The following DLC1 variants were observed in gnomAD, a reference collection of about 807,000 sequenced individuals.
DLC1 encodes the protein rho GTPase-activating protein 7.
Under a neutral mutation model 140.3 loss-of-function variants are expected in DLC1, and 54 were observed. The ratio of observed to expected loss-of-function variants is 0.38; its 90% CI spans 0.31 to 0.48. DLC1 has a LOEUF of 0.48. Ranked by LOEUF, DLC1 falls within the 20% of genes least tolerant of loss-of-function variation. The probability of loss-of-function intolerance (pLI) is 0.96; values close to 1 mark genes in which losing one functional copy is unlikely to be tolerated. For synonymous variants in DLC1, 986 were observed against 728.1 expected (o/e 1.35, Z -5.70); for missense variants, 2,536 against 1,907.0 (o/e 1.33, Z -6.14).
intron 1 of DLC1, among the ~76,000 whole-genome samples, chr8:13,590,587 A>C (rs969968574): frequency 9.9e-5 from 15 of 152,024 alleles, no homozygotes; most frequent in Non-Finnish European, 1.5e-5. Flanking sequence ...TCAGCTCCAG[A>C]ATTTTACTTT....
At chr8:13,522,307 G>C (rs887707965) in intron 1 of DLC1, among the ~76,000 whole-genome samples, 2 of 152,074 alleles carry the variant, frequency 1.3e-5, no homozygotes, top group Non-Finnish European at 2.9e-5. Context: ...TAGCTTAAAT[G>C]GGGGGTACGG....
At chr8:13,249,509 C>T (rs1286107447) in intron 5 of DLC1, among the ~76,000 whole-genome samples, 1 of 152,182 alleles carries the variant, frequency 6.6e-6, no homozygotes, top group Non-Finnish European at 1.5e-5. Flanking sequence ...CCATTTCTAT[C>T]AGTCTCAGGG....
chr8:13,324,888 A>AT (rs1833275198), intron 4 of DLC1, among the ~76,000 whole-genome samples: 1 of 152,068 alleles, frequency 6.6e-6, no homozygotes, highest in South Asian at 2.1e-4. Flanking sequence ...TAGGGTGACT[A>AT]TTGGAGATTA....
rs1825935941 is a variant in DLC1 at position 13,179,684 on chromosome 8, G to T, written c.1349-64027C>A. ...CACAGTGAGCACTGATTATACCACT[G>T]CATTCCAGCCTGGGCCACAGTGCAA... On this transcript the variant is annotated intron_variant, in intron 5 of 17. Coordinates refer to ENST00000276297, the MANE Select transcript of DLC1 (RefSeq NM_182643.3). 2.6e-5 allele frequency among the ~76,000 whole-genome samples: 4 copies of T among 152,000 alleles called. No individual in the cohort carries two copies. The South Asian group carries it at 8.3e-4, about 32-fold the overall frequency.
rs951710104 is a variant in DLC1 at position 13,205,798 on chromosome 8, T to A, written c.1349-90141A>T. On this transcript the variant is annotated intron_variant, in intron 5 of 17. Transcript: ENST00000276297. ...GACATAAGAGAGTTTAAAGACATAT[T>A]ATCTCATCTGAAAGAAATTTGACTA... Among the ~76,000 whole-genome samples the A allele has an allele frequency of 3.3e-5, 5 of 152,296 alleles. No individual in the cohort carries two copies. In the East Asian group the frequency reaches 5.8e-4, roughly 18 times the overall value.
intron 1 of DLC1, among the ~76,000 whole-genome samples, chr8:13,575,870 G>T (rs560701554): frequency 2.0e-5 from 3 of 152,176 alleles, no homozygotes; most frequent in East Asian, 3.9e-4. Flanking sequence ...TTGTATTGTG[G>T]CTTTAGTATG....
intron 5 of DLC1, among the ~76,000 whole-genome samples, chr8:13,181,725 C>T (rs1194280473): frequency 6.6e-6 from 1 of 152,084 alleles, no homozygotes; most frequent in Non-Finnish European, 1.5e-5. Context: ...TTTTCTTAAT[C>T]CAGTCTATCA....
intron 2 of DLC1, among the ~76,000 whole-genome samples, chr8:13,439,793 A>G (rs1465322345): frequency 6.6e-6 from 1 of 152,072 alleles, no homozygotes; most frequent in African/African-American, 2.4e-5. Context: ...CGCTGCCTAT[A>G]TTTCCTAAAC....
intron 5 of DLC1, among the ~76,000 whole-genome samples, chr8:13,143,914 C>A (rs993027379): frequency 6.6e-6 from 1 of 151,802 alleles, no homozygotes; most frequent in East Asian, 1.9e-4. Context: ...TTTCCCCGGG[C>A]AGGCACATGT....
At position 13,591,445 on chromosome 8, in the gene DLC1, C is replaced by A. The variant is rs1805512867; in HGVS notation, c.-126+13092G>T. On this transcript the variant is annotated intron_variant, in intron 1 of 1. Coordinates refer to the DLC1 transcript ENST00000631382. ...CCCCTGCTGGCACGCCTTCTCTCTC[C>A]TGCCACCTTGTGAAGAAGAACATGT... 2.6e-5 allele frequency among the ~76,000 whole-genome samples: 4 copies of A among 152,214 alleles called. No homozygotes were observed. In the South Asian group the frequency reaches 6.2e-4, roughly 24 times the overall value.
At chr8:13,215,942 G>A (rs1317762395) in intron 5 of DLC1, among the ~76,000 whole-genome samples, 2 of 152,084 alleles carry the variant, frequency 1.3e-5, no homozygotes, top group East Asian at 1.9e-4. Context: ...AATCCATTTA[G>A]TGCCCACCAG....
chr8:13,593,380 T>G (rs537464826), intron 1 of DLC1, among the ~76,000 whole-genome samples: 1 of 152,258 alleles, frequency 6.6e-6, no homozygotes, highest in South Asian at 2.1e-4. Context: ...TGCAATTCTT[T>G]GCTCCCCAGA....
chr8:13,465,244 G>C (rs1038269116), intron 2 of DLC1, among the ~76,000 whole-genome samples: 1 of 152,160 alleles, frequency 6.6e-6, no homozygotes, highest in Non-Finnish European at 1.5e-5. Flanking sequence ...AAAATCGAGT[G>C]TTTCTAGGAC....
chr8:13,110,507 A>C (rs569291895), intron 7 of DLC1, among the ~76,000 whole-genome samples: 1 of 152,288 alleles, frequency 6.6e-6, no homozygotes, highest in East Asian at 1.9e-4. Context: ...TATATCAAAT[A>C]TGGAATGCTA....
At position 13,086,434 on chromosome 8, in the gene DLC1, G is replaced by A. The variant is rs746297066; in HGVS notation, c.4322C>T (p.Ala1441Val). ...CACAGAGGTTAGTAAAAGGGCACAGGCTCCTTTGGGTAAATTAGTCCTCCA... is the reference window on the plus strand; with the variant it reads ...CACAGAGGTTAGTAAAAGGGCACAGACTCCTTTGGGTAAATTAGTCCTCCA... The part of the protein sequence containing the change: ...RTWRTNLPKG[A>V]CALLLTSVDH... The change falls in exon 17 of 18, where the codon GCC (alanine) becomes GTC (valine). Residue 1441 changes from alanine (A) to valine (V), a missense_variant. Physicochemically the swap from Ala to Val is moderately conservative, Grantham distance 64. Coordinates refer to ENST00000276297, the MANE Select transcript of DLC1 (RefSeq NM_182643.3). The A allele has an allele frequency of 1.6e-5, 26 of 1,614,096 alleles. No individual in the cohort carries two copies. Among genetic ancestry groups the A allele is most frequent in the Non-Finnish European group, 2.2e-5 (26 of 1,180,056 alleles).
In DLC1 at chr8:13,095,101, G is replaced by C; in HGVS notation, c.3312C>G (p.Asn1104Lys). Residue 1104 changes from asparagine to lysine, a missense_variant, in exon 11 of 18, where the codon AAC becomes AAG. By Grantham distance (94) the Asn-to-Lys change is moderately conservative. Transcript: ENST00000276297. ...GCGCTCTCACCTGATCCAAACAATG[G>C]TTCCGGAGGTATCGCATGGCCTGCT... ...SIQQAMRYLR[N>K]HCLDQVGLFR... The C allele has an allele frequency of 6.2e-7, 1 of 1,614,268 alleles. No homozygotes were observed. Among genetic ancestry groups the C allele is most frequent in the Non-Finnish European group, 8.5e-7 (1 of 1,180,052 alleles).
intron 5 of DLC1, among the ~76,000 whole-genome samples, chr8:13,226,767 T>A (rs1828810729): frequency 1.3e-5 from 2 of 152,202 alleles, no homozygotes; most frequent in African/African-American, 4.8e-5. Flanking sequence ...CTGCCACACA[T>A]CACTGTAAGT....
chr8:13,184,305 C>G (rs1201078689), intron 5 of DLC1, among the ~76,000 whole-genome samples: 1 of 152,062 alleles, frequency 6.6e-6, no homozygotes, highest in Non-Finnish European at 1.5e-5. Context: ...TTTTTTGTGT[C>G]TCTATCTCCT....
In DLC1 at chr8:13,360,879, A is replaced by T. The variant is rs71514461; in HGVS notation, c.1314+32674T>A. ...GCTGGGCTCATGTTTTATACACATT[A>T]TTTTTTTTTTTTCTTTTTCACCTTA... On this transcript the variant is annotated intron_variant, in intron 4 of 17. Coordinates refer to ENST00000276297, the MANE Select transcript of DLC1 (RefSeq NM_182643.3). 6.7e-3 allele frequency among the ~76,000 whole-genome samples: 694 copies of T among 104,168 alleles called. 3 individuals are homozygous for T. Among genetic ancestry groups the T allele is most frequent in the Non-Finnish European group, 0.011 (478 of 43,536 alleles). The allele number at this position is 104,168 out of a possible 152,430, so 68.3% of individuals were successfully genotyped here. A position where few individuals can be genotyped will look rare whatever the true frequency, so the allele number is the denominator to read the frequency against.
Sources: gnomAD v4.1 joint callset for allele counts (sites outside exome capture counted in the v4.1 genomes callset) on GRCh38, gnomAD v4.1.1 for gene constraint, MANE v1.5 for transcripts, NCBI Gene and HGNC (gene_info 2026-07-23, HGNC 2026-07-21) for gene names.